The following EYS variants were observed in gnomAD, a reference collection of about 807,000 sequenced individuals.
EYS encodes the protein EGF-like photoreceptor maintenance factor.
In EYS, 250 loss-of-function variants were observed where a neutral mutation model predicts 282.1. The observed-to-expected ratio is 0.89, with a 90% CI of 0.80 to 0.98. The LOEUF (loss-of-function observed/expected upper bound fraction) is 0.98. EYS is among the 50% of genes least tolerant of loss of function. The pLI is 0.00. For synonymous variants in EYS, 1,355 were observed against 1,282.9 expected (o/e 1.06, Z -1.20); for missense variants, 4,016 against 3,709.0 (o/e 1.08, Z -2.15).
intron 22 of EYS, 86 bp from the exon 23 acceptor site, chr6:64,626,331 CGT>C: frequency 6.9e-7 from 1 of 1,458,550 alleles, no homozygotes; most frequent in Non-Finnish European, 9.0e-7. Flanking sequence ...ATCATTCAAA[CGT>C]GTTTTCAGAG....
chr6:65,063,871 C>T (rs545712171), intron 12 of EYS, among the ~76,000 whole-genome samples: 2 of 151,810 alleles, frequency 1.3e-5, no homozygotes, highest in African/African-American at 4.8e-5. Flanking sequence ...TTGCCTTCCT[C>T]ACTGGTACTG....
chr6:63,901,459 A>G (rs1204136713), intron 35 of EYS, among the ~76,000 whole-genome samples: 2 of 152,246 alleles, frequency 1.3e-5, no homozygotes, highest in East Asian at 3.8e-4. Context: ...AACTTTTTGA[A>G]GAAAAAGTGG....
At chr6:64,758,147 C>G (rs1372124811) in intron 22 of EYS, among the ~76,000 whole-genome samples, 1 of 152,048 alleles carries the variant, frequency 6.6e-6, no homozygotes, top group Non-Finnish European at 1.5e-5. Flanking sequence ...TGTTGAGTGT[C>G]AGTCTTGTGC....
At chr6:64,664,889 T>C (rs1255467402) in intron 22 of EYS, among the ~76,000 whole-genome samples, 3 of 152,222 alleles carry the variant, frequency 2.0e-5, no homozygotes, top group Non-Finnish European at 2.9e-5. Context: ...AGGTGTTTTA[T>C]ATAGCAACCT....
chr6:64,685,082 G>A (rs7740229), intron 22 of EYS, among the ~76,000 whole-genome samples: 121,384 of 152,002 alleles, frequency 0.8, 48,846 homozygotes, highest in Non-Finnish European at 0.86. Context: ...AAGATGAAAA[G>A]CAGTATGTTG....
intron 36 of EYS, chr6:63,821,866 A>G (rs898171113): frequency 5.9e-5 from 9 of 152,226 alleles, no homozygotes; most frequent in Non-Finnish European, 1.2e-4. Flanking sequence ...TCTCCAAAGC[A>G]TCCGTGAAAC....
intron 13 of EYS, among the ~76,000 whole-genome samples, chr6:65,002,801 A>C (rs1214678890): frequency 1.4e-5 from 2 of 147,628 alleles, no homozygotes; most frequent in African/African-American, 4.9e-5. Context: ...TTAGTTCCCC[A>C]AATTAATACT....
intron 28 of EYS, among the ~76,000 whole-genome samples, chr6:64,428,224 CTG>C (rs111690234): frequency 4.6e-4 from 70 of 152,176 alleles, no homozygotes; most frequent in African/African-American, 1.5e-3. Flanking sequence ...CTTTCTGAAA[CTG>C]TGGTTAATAT....
At chr6:65,278,325 T>TAC in intron 12 of EYS, among the ~76,000 whole-genome samples, 2 of 38,088 alleles carry the variant, frequency 5.3e-5, no homozygotes, top group South Asian at 3.5e-3. Flanking sequence ...TATAGAAATC[T>TAC]ATATATATAT....
intron 1 of EYS, among the ~76,000 whole-genome samples, chr6:65,647,500 T>G (rs1320364639): frequency 6.6e-6 from 1 of 152,164 alleles, no homozygotes; most frequent in Non-Finnish European, 1.5e-5. Flanking sequence ...TCTCTCACCT[T>G]ATATAAAAAT....
At chr6:63,815,931 T>C (rs979076989) in intron 36 of EYS, among the ~76,000 whole-genome samples, 2 of 152,100 alleles carry the variant, frequency 1.3e-5, no homozygotes, top group East Asian at 3.9e-4. Flanking sequence ...ACTCTAATCA[T>C]GAGAGAAAAA....
chr6:65,528,778 G>A (rs1767661326), intron 2 of EYS, among the ~76,000 whole-genome samples: 1 of 152,160 alleles, frequency 6.6e-6, no homozygotes, highest in South Asian at 2.1e-4. Context: ...ATAAAGTAAA[G>A]AGAAGTCACT....
chr6:65,603,766 A>G (rs756617238), intron 2 of EYS, among the ~76,000 whole-genome samples: 15 of 151,810 alleles, frequency 9.9e-5, no homozygotes, highest in Non-Finnish European at 1.8e-4. Flanking sequence ...TTTTTCCCTC[A>G]GTGCTTTCAA....
intron 15 of EYS, among the ~76,000 whole-genome samples, chr6:64,926,179 C>A (rs1180736302): frequency 6.6e-6 from 1 of 152,200 alleles, no homozygotes; most frequent in Non-Finnish European, 1.5e-5. Context: ...CACACCCACT[C>A]ATGTCCTCTG....
intron 12 of EYS, among the ~76,000 whole-genome samples, chr6:65,178,776 C>T (rs1342855129): frequency 2.0e-5 from 3 of 152,012 alleles, no homozygotes; most frequent in Admixed American, 1.3e-4. Context: ...CAGCACCACA[C>T]CACACCTATT....
At chr6:65,651,403 C>T (rs945258752) in intron 1 of EYS, among the ~76,000 whole-genome samples, 1 of 151,932 alleles carries the variant, frequency 6.6e-6, no homozygotes, top group African/African-American at 2.4e-5. Flanking sequence ...TCTTTGGAGA[C>T]AATGTTTATA....
chr6:64,835,340 A>G (rs1298358780), intron 19 of EYS, among the ~76,000 whole-genome samples: 1 of 151,714 alleles, frequency 6.6e-6, no homozygotes, highest in Non-Finnish European at 1.5e-5. Context: ...AGGAGAGGCA[A>G]TAGAGATTGT....
At chr6:64,316,199 T>C (rs568026328) in intron 29 of EYS, among the ~76,000 whole-genome samples, 5 of 152,252 alleles carry the variant, frequency 3.3e-5, no homozygotes, top group Admixed American at 2.0e-4. Flanking sequence ...TTCAATATAG[T>C]ATTGGAAGTT....
intron 8 of EYS, among the ~76,000 whole-genome samples, chr6:65,369,254 AGT>A (rs958838972): frequency 1.0e-4 from 15 of 144,668 alleles, no homozygotes; most frequent in African/African-American, 2.5e-4. Flanking sequence ...GTGACCAAGC[AGT>A]GTGTGTGTGT....
Sources: gnomAD v4.1 joint callset for allele counts (sites outside exome capture counted in the v4.1 genomes callset) on GRCh38, gnomAD v4.1.1 for gene constraint, MANE v1.5 for transcripts, NCBI Gene and HGNC (gene_info 2026-07-23, HGNC 2026-07-21) for gene names.